TNS1: variants seen among roughly 807,000 people sequenced by gnomAD.
TNS1 encodes tensin-1.
In TNS1, 62 loss-of-function variants were observed where a neutral mutation model predicts 168.6. The ratio of observed to expected loss-of-function variants is 0.37; its 90% confidence interval spans 0.30 to 0.45. The LOEUF (loss-of-function observed/expected upper bound fraction) is 0.45, where lower values mean the gene tolerates loss of function less well. TNS1 is among the 20% of genes least tolerant of loss of function. The pLI, the probability that TNS1 is intolerant of heterozygous loss-of-function variation, is 1.00. For missense variants in TNS1, 2,240 were observed against 2,339.4 expected (o/e 0.96, Z 0.88); for synonymous variants, 934 against 933.2 (o/e 1.00, Z -0.02).
chr2:217,904,104 G>T (rs1953367552), intron 6 of TNS1, among the ~76,000 whole-genome samples: 1 of 152,146 alleles, frequency 6.6e-6, no homozygotes, highest in Non-Finnish European at 1.5e-5. Flanking sequence ...CAGGGGCCCG[G>T]CCCCATTCCT....
intron 19 of TNS1, chr2:217,842,201 T>C: frequency 1.4e-6 from 1 of 694,962 alleles, no homozygotes; most frequent in South Asian, 1.5e-5. Context: ...TGCCCAGTGC[T>C]ATGCTTAATC....
At chr2:218,013,168 A>G (rs1346131150), upstream of TNS1, among the ~76,000 whole-genome samples, 2 of 151,872 alleles carry the variant, frequency 1.3e-5, no homozygotes, top group African/African-American at 4.8e-5. Flanking sequence ...AGGCAGGAGA[A>G]TCGCTTGAAC....
intron 3 of TNS1, among the ~76,000 whole-genome samples, chr2:217,949,042 C>T (rs1229412549): frequency 6.6e-6 from 1 of 152,188 alleles, no homozygotes; most frequent in African/African-American, 2.4e-5. Context: ...GGCAGCCCCT[C>T]CCTCCTCTCA....
intron 4 of TNS1, among the ~76,000 whole-genome samples, chr2:217,919,496 G>A (rs953488518): frequency 1.3e-5 from 2 of 152,228 alleles, no homozygotes; most frequent in African/African-American, 4.8e-5. Context: ...CCAGAGCCTT[G>A]TCTGCTTCTA....
chr2:217,861,659 T>G (rs1366908129), intron 18 of TNS1, among the ~76,000 whole-genome samples: 5 of 152,252 alleles, frequency 3.3e-5, no homozygotes, highest in African/African-American at 1.2e-4. Context: ...CTGAGCCAAT[T>G]ACTTGGCTGA....
At chr2:217,927,961 G>T (rs533111352) in intron 3 of TNS1, among the ~76,000 whole-genome samples, 2 of 152,328 alleles carry the variant, frequency 1.3e-5, no homozygotes, top group African/African-American at 4.8e-5. Flanking sequence ...ATAGGCAGGT[G>T]ACCCTCCTAT....
At position 217,918,935 on chromosome 2, in the gene TNS1, C is replaced by T. The variant is rs879267743; in HGVS notation, c.228+1260G>A. ...AGCAGGGCTGGGCAGCACTGAGGCC[C>T]GGGAGAGCCTGGCCCTAGTGAGACC... On this transcript the variant is annotated intron_variant, in intron 4 of 32. Coordinates refer to ENST00000682258, the MANE Select transcript of TNS1 (RefSeq NM_001387777.1). 2.2e-4 allele frequency among the ~76,000 whole-genome samples: 33 copies of T among 152,118 alleles called. 1 individual carries two copies. Among genetic ancestry groups the T allele is most frequent in the Non-Finnish European group, 4.3e-4 (29 of 68,028 alleles).
At chr2:217,958,029 A>ACACAC (rs1559387618) in intron 3 of TNS1, among the ~76,000 whole-genome samples, 1 of 151,736 alleles carries the variant, frequency 6.6e-6, no homozygotes, top group Non-Finnish European at 1.5e-5. Flanking sequence ...ACACACACAC[A>ACACAC]AAAGGAGGAG....
intron 18 of TNS1, among the ~76,000 whole-genome samples, chr2:217,857,645 C>T (rs1005520001): frequency 3.9e-5 from 6 of 152,308 alleles, no homozygotes; most frequent in Admixed American, 3.9e-4. Flanking sequence ...AAAACCTGAT[C>T]GTGACCTTGA....
chr2:217,858,259 G>C (rs1948399466), intron 18 of TNS1, among the ~76,000 whole-genome samples: 1 of 151,878 alleles, frequency 6.6e-6, no homozygotes. Flanking sequence ...TGGCTCTTAC[G>C]TGTCCCAGAA....
In TNS1 at chr2:217,849,078, CCCA is replaced by C; in HGVS notation, c.1436_1438del (p.Val479del). ...CCCATCTAGTGGCCCCTGCGTGTGT[CCCA>C]CCACCTCTGCAAGGGACAGAGCCGG... On this transcript the variant is annotated inframe_deletion, in exon 19 of 33. Transcript: ENST00000682258. 1 of 1,610,362 alleles carries C rather than the reference CCCA, an allele frequency of 6.2e-7. No homozygotes were observed. Among genetic ancestry groups the C allele is most frequent in the Non-Finnish European group, 8.5e-7 (1 of 1,177,926 alleles).
At chr2:217,814,644 A>G (rs1559152369) in intron 25 of TNS1, among the ~76,000 whole-genome samples, 1 of 152,192 alleles carries the variant, frequency 6.6e-6, no homozygotes, top group African/African-American at 2.4e-5. Flanking sequence ...GTTTCATATT[A>G]TCTTAGCAGA....
At chr2:217,826,537 G>C (rs1010268278) in intron 22 of TNS1, among the ~76,000 whole-genome samples, 3 of 152,180 alleles carry the variant, frequency 2.0e-5, no homozygotes, top group African/African-American at 7.2e-5. Flanking sequence ...AGGCAGGAAA[G>C]AAAGTTCTTC....
At chr2:217,911,259 G>A (rs934052553) in intron 4 of TNS1, among the ~76,000 whole-genome samples, 6 of 152,200 alleles carry the variant, frequency 3.9e-5, no homozygotes, top group African/African-American at 1.4e-4. Context: ...AGAAGCAGGT[G>A]GCAGGGTTTG....
At chr2:217,805,823 C>T in intron 32 of TNS1, among the ~76,000 whole-genome samples, 1 of 94,784 alleles carries the variant, frequency 1.1e-5, no homozygotes. Context: ...CATATACAGA[C>T]CACACACATA....
intron 1 of TNS1, among the ~76,000 whole-genome samples, chr2:218,027,292 C>T (rs116062950): frequency 0.017 from 2,630 of 152,092 alleles, 50 homozygotes; most frequent in East Asian, 0.083. Flanking sequence ...AAGTGTAAAG[C>T]CCAAACTCTT....
chr2:217,921,437 T>C (rs539587228), intron 3 of TNS1, among the ~76,000 whole-genome samples: 149 of 152,262 alleles, frequency 9.8e-4, no homozygotes, highest in African/African-American at 3.5e-3. Flanking sequence ...TGACTGGGCA[T>C]TGGGCACCCT....
intron 3 of TNS1, among the ~76,000 whole-genome samples, chr2:217,976,444 C>G (rs1575151865): frequency 6.6e-6 from 1 of 152,220 alleles, no homozygotes; most frequent in Non-Finnish European, 1.5e-5. Flanking sequence ...GAAAGACCCA[C>G]CAGCTGGGTG....
chr2:217,805,684 C>CACA (rs1559133225), intron 32 of TNS1, among the ~76,000 whole-genome samples: 1 of 101,292 alleles, frequency 9.9e-6, no homozygotes, highest in Non-Finnish European at 2.1e-5. Context: ...CACATACACA[C>CACA]CATCACACAC....
Sources: allele counts gnomAD v4.1 joint callset (sites outside exome capture counted in the v4.1 genomes callset), GRCh38; gene constraint gnomAD v4.1.1; transcripts MANE v1.5; gene names NCBI Gene and HGNC (gene_info 2026-07-23, HGNC 2026-07-21).